The following ANKRD35 variants were observed in gnomAD, a reference collection of about 807,000 sequenced individuals.
ANKRD35 encodes the protein ankyrin repeat domain 35.
ANKRD35 carries 102 observed loss-of-function variants against 109.9 expected under a neutral mutation model. That is an observed-to-expected ratio of 0.93 (90% CI 0.79 to 1.09). The LOEUF (loss-of-function observed/expected upper bound fraction) is 1.09. Ranked by LOEUF, ANKRD35 falls within the 50% of genes least tolerant of loss-of-function variation. The probability of loss-of-function intolerance (pLI) is 0.00; values close to 1 mark genes in which losing one functional copy is unlikely to be tolerated. For synonymous variants in ANKRD35, 515 were observed against 512.4 expected (o/e 1.01, Z -0.07); for missense variants, 1,240 against 1,230.1 (o/e 1.01, Z -0.12).
intron 10 of ANKRD35, among the ~76,000 whole-genome samples, chr1:145,870,322 G>A (rs1209709435): frequency 2.6e-5 from 4 of 151,972 alleles, no homozygotes; most frequent in African/African-American, 9.7e-5. Flanking sequence ...TCGATCTCCT[G>A]ACCTCGTGAT....
chr1:145,882,972 A>G (rs1384902316), intron 1 of ANKRD35, among the ~76,000 whole-genome samples: 1 of 152,186 alleles, frequency 6.6e-6, no homozygotes, highest in Non-Finnish European at 1.5e-5. Flanking sequence ...CACACCAGCA[A>G]GTAGAGAGAG....
chr1:145,871,921 TAA>T, intron 10 of ANKRD35, 59 bp downstream of exon 10: 1 of 1,585,192 alleles, frequency 6.3e-7, no homozygotes, highest in Non-Finnish European at 8.5e-7. Context: ...TTCAGGTTAG[TAA>T]ACTCCCAAAT....
chr1:145,867,467 G>T, intron 12 of ANKRD35, 75 bp from the exon 13 acceptor site: 1 of 1,285,008 alleles, frequency 7.8e-7, no homozygotes, highest in Non-Finnish European at 1.1e-6. Flanking sequence ...GAGAGGTTCT[G>T]TGGTACAGTG....
intron 2 of ANKRD35, among the ~76,000 whole-genome samples, 193 bp from the exon 3 acceptor site, chr1:145,878,672 C>A (rs1178710146): frequency 1.3e-5 from 2 of 152,128 alleles, no homozygotes; most frequent in African/African-American, 4.8e-5. Context: ...ATGCTAAAAG[C>A]AAGGAAGAAA....
chr1:145,885,097 A>C lies in ANKRD35; in HGVS notation c.39+623T>G, dbSNP rs145308075. ...TGTTGTGGGAGCATCAATTGGAAAAAGGTTTGGAGTGATGTTTGAGGAACA... is the reference window on the plus strand; with the variant it reads ...TGTTGTGGGAGCATCAATTGGAAAACGGTTTGGAGTGATGTTTGAGGAACA... On this transcript the variant is annotated intron_variant, in intron 1 of 13. Transcript: ENST00000355594. Among the ~76,000 whole-genome samples, 1,376 of 152,264 alleles carry C rather than the reference A, an allele frequency of 9.0e-3. 18 individuals carry two copies. Among genetic ancestry groups the C allele is most frequent in the Middle Eastern group, 0.037 (11 of 294 alleles).
chr1:145,872,647 G>A lies in ANKRD35; in HGVS notation c.2122C>T (p.Leu708=). 1 of 1,614,084 alleles carries A rather than the reference G, an allele frequency of 6.2e-7. No individual in the cohort carries two copies. The highest frequency in any genetic ancestry group is 8.5e-7 in the Non-Finnish European group (1 of 1,179,994). Reference sequence around the variant, plus strand: ...CTCTCGCCCACTAGGTCTGCGGGCAGGCAGTCCCACAGCCCTCGGAGACCG... The same window carrying A: ...CTCTCGCCCACTAGGTCTGCGGGCAAGCAGTCCCACAGCCCTCGGAGACCG... ...SSGLRGLWDC[L]PADLVGERSA... The change falls in exon 10 of 14, where the codon CTG becomes TTG. Residue 708 remains leucine (L), a synonymous_variant. Transcript: ENST00000355594.
intron 1 of ANKRD35, among the ~76,000 whole-genome samples, chr1:145,881,689 T>A (rs1382248518): frequency 6.6e-6 from 1 of 152,196 alleles, no homozygotes; most frequent in East Asian, 1.9e-4. Flanking sequence ...TGTCTGCCTC[T>A]GTGAATTTAG....
At chr1:145,875,528 G>A (rs1360590266) in intron 7 of ANKRD35, among the ~76,000 whole-genome samples, 1 of 151,732 alleles carries the variant, frequency 6.6e-6, no homozygotes, top group Non-Finnish European at 1.5e-5. Context: ...ATTTTTATCT[G>A]CTCTGTATAT....
In ANKRD35 at chr1:145,868,469, C is replaced by T. The variant is rs1262001544; in HGVS notation, c.2788-69G>A. Reference sequence around the variant, plus strand: ...TTTCTCCCACAAGGGTCAAGGTCAGCTTCCTTTTACTGAGTATTTAATATG... The same window carrying T: ...TTTCTCCCACAAGGGTCAAGGTCAGTTTCCTTTTACTGAGTATTTAATATG... On this transcript the variant is annotated intron_variant, in intron 10 of 13. Transcript: ENST00000355594. The T allele has an allele frequency of 9.0e-6, 12 of 1,327,692 alleles. No individual in the cohort carries two copies. In the South Asian group the frequency reaches 1.3e-4, roughly 15 times the overall value. 82.2% of individuals were successfully genotyped at this position (1,327,692 alleles called of 1,614,324 possible).
intron 5 of ANKRD35, 57 bp from the exon 6 acceptor site, chr1:145,876,696 G>A: frequency 6.2e-7 from 1 of 1,611,352 alleles, no homozygotes; most frequent in Non-Finnish European, 8.5e-7. Context: ...CTCAGACTAT[G>A]ACCCAACATC....
rs1653760988 is a variant in ANKRD35, at chr1:145,870,261, T to A, written c.2787+1721A>T. On this transcript the variant is annotated intron_variant, in intron 10 of 13. Coordinates refer to ENST00000355594, the MANE Select transcript of ANKRD35 (RefSeq NM_144698.5). ...CGCCCACCACCACGCCCGGATAATT[T>A]TTTTGTATTTTTAGTGGAGACGGGG... is the stretch of plus-strand genomic sequence containing the variant. Among the ~76,000 whole-genome samples, 3 of 151,784 alleles carry A rather than the reference T, an allele frequency of 2.0e-5. No homozygotes were observed. In the South Asian group the frequency reaches 6.2e-4, roughly 32 times the overall value.
At chr1:145,881,852 T>C (rs782141379) in intron 1 of ANKRD35, among the ~76,000 whole-genome samples, 3 of 151,244 alleles carry the variant, frequency 2.0e-5, no homozygotes, top group Non-Finnish European at 4.4e-5. Flanking sequence ...GCCAGGAGAG[T>C]GGAAGGGATC....
At position 145,873,137 on chromosome 1, in the gene ANKRD35, C is replaced by G; in HGVS notation, c.1632G>C (p.Val544=). Residue 544 remains valine, a synonymous_variant, in exon 10 of 14, where the codon GTG becomes GTC. Coordinates refer to ENST00000355594, the MANE Select transcript of ANKRD35 (RefSeq NM_144698.5). The stretch of plus-strand genomic sequence containing the variant: ...CCTTTGCCCATTCCAGCCTTGCCAG[C>G]ACCCGCTCCAGTCGGGCTTCCATCT... ...WEKMEARLER[V]LARLEWAKAG... The G allele has an allele frequency of 1.2e-6, 2 of 1,614,072 alleles. No homozygotes were observed. Among genetic ancestry groups the G allele is most frequent in the Non-Finnish European group, 1.7e-6 (2 of 1,180,022 alleles).
chr1:145,874,027 C>A (rs782536828), intron 9 of ANKRD35, 42 bp from the exon 10 acceptor site: 2 of 1,611,358 alleles, frequency 1.2e-6, no homozygotes, highest in Admixed American at 1.7e-5. Flanking sequence ...CACTAGGCAA[C>A]GAACTGAGCC....
Position 145,867,996 on chromosome 1 carries a change from C to A in ANKRD35, c.2938G>T (p.Ala980Ser). Residue 980 changes from alanine (A) to serine (S), a missense_variant, in exon 12 of 14, where the codon GCT becomes TCT. Physicochemically the swap from Ala to Ser is moderately conservative, Grantham distance 99. Transcript: ENST00000355594. Reference protein sequence around the residue: ...STYRNHLLNAARGYMEHEVYN... With the variant: ...STYRNHLLNASRGYMEHEVYN... ...CAAAACTCCACCATGCTCACCCGAG[C>A]AGCATTCAGTAGATGATTCCTGTAG... 4 of 1,614,136 alleles carry A rather than the reference C, an allele frequency of 2.5e-6. No individual in the cohort carries two copies. The highest frequency in any genetic ancestry group is 3.4e-6 in the Non-Finnish European group (4 of 1,179,988).
Position 145,873,750 on chromosome 1 carries a change from T to C in ANKRD35, c.1019A>G (p.Gln340Arg). The C allele has an allele frequency of 3.1e-6, 5 of 1,613,174 alleles. No individual in the cohort carries two copies. The highest frequency in any genetic ancestry group is 4.2e-6 in the Non-Finnish European group (5 of 1,179,556). Reference sequence around the variant, plus strand: ...TAGGAGGACCCCTAGCTCCTGCGCCTGCTCTCGAATCTGGTTCTCAAGGTC... The same window carrying C: ...TAGGAGGACCCCTAGCTCCTGCGCCCGCTCTCGAATCTGGTTCTCAAGGTC... The part of the protein sequence containing the change: ...YLDLENQIRE[Q>R]AQELGVLLSW... The change falls in exon 10 of 14, where the codon CAG becomes CGG. Residue 340 changes from glutamine (Q) to arginine (R), a missense_variant. By Grantham distance (43) the Gln-to-Arg change is conservative. Transcript: ENST00000355594.
intron 2 of ANKRD35, 66 bp from the exon 3 acceptor site, chr1:145,878,545 G>GA: frequency 6.9e-7 from 1 of 1,445,330 alleles, no homozygotes; most frequent in Non-Finnish European, 9.5e-7. Flanking sequence ...GGAGAATCTT[G>GA]ATAAGCCCTT....
chr1:145,874,054 T>C (rs1570800062), intron 9 of ANKRD35, 69 bp from the exon 10 acceptor site: 1 of 1,611,292 alleles, frequency 6.2e-7, no homozygotes, highest in East Asian at 2.2e-5. Context: ...GTGCCTTTCT[T>C]CTCTTAAATG....
Position 145,873,678 on chromosome 1 carries a change from G to GGCC in ANKRD35, c.1088_1090dup (p.Arg363dup), listed in dbSNP as rs1553739450. On this transcript the variant is annotated inframe_insertion, in exon 10 of 14. Coordinates refer to ENST00000355594, the MANE Select transcript of ANKRD35 (RefSeq NM_144698.5). Reference sequence around the variant, plus strand: ...ACCCTGCTCCATGCCATCCCCTCCAGGCCGGAGACTAGAGCCTTGCTTTCC... The same window carrying GGCC: ...ACCCTGCTCCATGCCATCCCCTCCAGGCCGCCGGAGACTAGAGCCTTGCTTTCC... 1.9e-6 allele frequency: 3 copies of GGCC among 1,614,138 alleles called. No individual in the cohort carries two copies. The highest frequency in any genetic ancestry group is 4.5e-5 in the East Asian group (2 of 44,878).
Sources: allele counts gnomAD v4.1 joint callset (sites outside exome capture counted in the v4.1 genomes callset), GRCh38; gene constraint gnomAD v4.1.1; transcripts MANE v1.5; gene names NCBI Gene and HGNC (gene_info 2026-07-23, HGNC 2026-07-21).